TCERG1L: variants seen among roughly 807,000 people sequenced by gnomAD.
TCERG1L encodes the protein transcription elongation regulator 1 like.
Under a neutral mutation model 56.3 loss-of-function variants are expected in TCERG1L, and 37 were observed. The observed-to-expected ratio is 0.66, with a 90% CI of 0.51 to 0.87. The LOEUF is 0.87. TCERG1L is among the 40% of genes least tolerant of loss of function. The pLI is 0.00. For synonymous variants in TCERG1L, 324 were observed against 326.3 expected, an observed-to-expected ratio of 0.99 and a Z score of 0.08; for missense variants, 799 against 774.2, an observed-to-expected ratio of 1.03 and a Z score of -0.38.
At chr10:131,183,259 A>C (rs1216700817) in intron 4 of TCERG1L, among the ~76,000 whole-genome samples, 2 of 152,198 alleles carry the variant, frequency 1.3e-5, no homozygotes, top group East Asian at 3.8e-4. Flanking sequence ...TTGCATTTTT[A>C]ATGACTATTT....
chr10:131,154,532 T>C (rs750052773), intron 6 of TCERG1L, among the ~76,000 whole-genome samples: 18 of 152,296 alleles, frequency 1.2e-4, no homozygotes, highest in African/African-American at 4.3e-4. Flanking sequence ...CCGCACCCAA[T>C]GCCCTTTGCC....
At chr10:131,190,249 C>CA (rs1386275448) in intron 4 of TCERG1L, among the ~76,000 whole-genome samples, 1 of 151,830 alleles carries the variant, frequency 6.6e-6, no homozygotes, top group Non-Finnish European at 1.5e-5. Context: ...CTGAGCACAC[C>CA]AAAAAACAAG....
intron 7 of TCERG1L, among the ~76,000 whole-genome samples, chr10:131,134,972 A>G (rs956387499): frequency 2.0e-5 from 3 of 152,172 alleles, no homozygotes; most frequent in Admixed American, 2.0e-4. Flanking sequence ...CTACTTCCAA[A>G]AGCCAAATTG....
intron 4 of TCERG1L, among the ~76,000 whole-genome samples, chr10:131,227,071 G>A (rs1275620170): frequency 2.6e-5 from 4 of 152,212 alleles, no homozygotes; most frequent in African/African-American, 4.8e-5. Flanking sequence ...TTTCGCCCTC[G>A]GCCCTCACAG....
intron 4 of TCERG1L, among the ~76,000 whole-genome samples, chr10:131,230,493 G>T (rs951213442): frequency 6.6e-6 from 1 of 152,220 alleles, no homozygotes; most frequent in African/African-American, 2.4e-5. Context: ...GCACACTGAG[G>T]GACGCTGGGG....
chr10:131,166,943 C>T lies in TCERG1L; in HGVS notation c.857-58G>A, dbSNP rs567738455. Reference sequence around the variant, plus strand: ...CATTTGTCACAGTAGTTTGGAAAACCTAAGCAATCAAAGACAAAAAGTGGC... The same window carrying T: ...CATTTGTCACAGTAGTTTGGAAAACTTAAGCAATCAAAGACAAAAAGTGGC... On this transcript the variant is annotated intron_variant, in intron 4 of 11. Coordinates refer to ENST00000368642, the MANE Select transcript of TCERG1L (RefSeq NM_174937.4). The T allele has an allele frequency of 2.6e-6, 4 of 1,513,660 alleles. No individual in the cohort carries two copies. In the Admixed American group the frequency reaches 7.6e-5, roughly 29 times the overall value. The allele number at this position is 1,513,660 out of a possible 1,614,324, so 93.8% of individuals were successfully genotyped here.
chr10:131,118,251 G>A lies in TCERG1L; in HGVS notation c.1260-1317C>T, dbSNP rs547261409. Among the ~76,000 whole-genome samples, 45 of 152,342 alleles carry A rather than the reference G, an allele frequency of 3.0e-4. No individual in the cohort carries two copies. The highest frequency in any genetic ancestry group is 4.9e-4 in the Non-Finnish European group (33 of 68,030). ...CTCCTACATTCTGGGAGCTCCCTAA[G>A]TGCTCGGAGATGTAGGAATGGCATG... On this transcript the variant is annotated intron_variant, in intron 8 of 11. Transcript: ENST00000368642. This position sits in a 1 kb window ranked among gnomAD's most constrained non-coding sequence, Gnocchi z 4.2.
At chr10:131,198,403 C>G (rs914678596) in intron 4 of TCERG1L, among the ~76,000 whole-genome samples, 20 of 152,364 alleles carry the variant, frequency 1.3e-4, no homozygotes, top group African/African-American at 3.8e-4. Flanking sequence ...GGGAAGTGTC[C>G]CTCAAGACAG....
chr10:131,198,884 G>A (rs572331824), intron 4 of TCERG1L, among the ~76,000 whole-genome samples: 22 of 152,376 alleles, frequency 1.4e-4, no homozygotes, highest in Admixed American at 3.3e-4. Context: ...CAGAGGCAGC[G>A]CCACGTGGAC....
At chr10:131,241,681 G>C (rs1380018068) in intron 4 of TCERG1L, among the ~76,000 whole-genome samples, 1 of 151,944 alleles carries the variant, frequency 6.6e-6, no homozygotes, top group East Asian at 1.9e-4. Context: ...ACAGTGGATA[G>C]CGTAATATAA....
intron 3 of TCERG1L, among the ~76,000 whole-genome samples, chr10:131,261,915 T>G (rs1204775831): frequency 6.6e-6 from 1 of 152,172 alleles, no homozygotes; most frequent in African/African-American, 2.4e-5. Flanking sequence ...AAAGTCTGCA[T>G]GAGGCAAGGC....
intron 7 of TCERG1L, among the ~76,000 whole-genome samples, chr10:131,136,644 C>T (rs868711717): frequency 6.6e-6 from 1 of 152,016 alleles, no homozygotes; most frequent in Non-Finnish European, 1.5e-5. Flanking sequence ...CACAGGCACC[C>T]GCCACCACAC....
chr10:131,093,052 G>A lies in TCERG1L; in HGVS notation c.*110C>T. 1 of 1,162,396 alleles carries A rather than the reference G, an allele frequency of 8.6e-7. No individual in the cohort carries two copies. Among genetic ancestry groups the A allele is most frequent in the Non-Finnish European group, 1.2e-6 (1 of 824,114 alleles). The allele number at this position is 1,162,396 out of a possible 1,614,324, so 72.0% of individuals were successfully genotyped here. Reference sequence around the variant, plus strand: ...AGACCCCGCAGTGCCGGTGCCCGCTGGGCCGTGCAGGTCTCGGCCGCCCCA... The same window carrying A: ...AGACCCCGCAGTGCCGGTGCCCGCTAGGCCGTGCAGGTCTCGGCCGCCCCA... On this transcript the variant is annotated 3_prime_UTR_variant, in exon 12 of 12. Coordinates refer to ENST00000368642, the MANE Select transcript of TCERG1L (RefSeq NM_174937.4).
intron 4 of TCERG1L, among the ~76,000 whole-genome samples, chr10:131,233,248 TGTA>T (rs764174270): frequency 2.6e-5 from 4 of 152,092 alleles, no homozygotes; most frequent in Non-Finnish European, 5.9e-5. Context: ...GGGAGGAAAA[TGTA>T]GTAAAATATT....
rs539639363 is a variant in TCERG1L at position 131,130,491 on chromosome 10, T to C, written c.1259+3888A>G. 3.3e-5 allele frequency among the ~76,000 whole-genome samples: 5 copies of C among 152,326 alleles called. No individual in the cohort carries two copies. The South Asian group carries it at 1.0e-3, about 32-fold the overall frequency. On this transcript the variant is annotated intron_variant, in intron 8 of 11. Transcript: ENST00000368642. ...ACCATTTCCTCTTTGGCTTCTTCCATCCTGGCTGTCCCCTCAGGGCCCACG... is the reference window on the plus strand; with the variant it reads ...ACCATTTCCTCTTTGGCTTCTTCCACCCTGGCTGTCCCCTCAGGGCCCACG...
intron 4 of TCERG1L, among the ~76,000 whole-genome samples, chr10:131,209,734 T>TA (rs1159833247): frequency 5.3e-5 from 8 of 152,232 alleles, no homozygotes. Flanking sequence ...TATTATATTT[T>TA]ATAGTTAAGT....
chr10:131,131,018 T>C (rs1845612992), intron 8 of TCERG1L, among the ~76,000 whole-genome samples: 2 of 152,112 alleles, frequency 1.3e-5, no homozygotes, highest in African/African-American at 4.8e-5. Flanking sequence ...GGTGGGGCAT[T>C]CCCGTGAGCA....
At chr10:131,104,894 G>A (rs1845336687) in intron 9 of TCERG1L, among the ~76,000 whole-genome samples, 4 of 152,210 alleles carry the variant, frequency 2.6e-5, no homozygotes, top group Admixed American at 1.3e-4. Flanking sequence ...TTCTCACGTC[G>A]TTAACATATT....
chr10:131,131,254 G>A (rs985262396), intron 8 of TCERG1L, among the ~76,000 whole-genome samples: 2 of 152,110 alleles, frequency 1.3e-5, no homozygotes, highest in Non-Finnish European at 2.9e-5. Flanking sequence ...CCACCACCCT[G>A]CACACGTGAG....
Sources: gnomAD v4.1 joint callset for allele counts (sites outside exome capture counted in the v4.1 genomes callset) on GRCh38, gnomAD v4.1.1 for gene constraint, Gnocchi (gnomAD v3.1) non-coding constraint, MANE v1.5 for transcripts, NCBI Gene and HGNC (gene_info 2026-07-23, HGNC 2026-07-21) for gene names.